OTOGL: variants seen among roughly 807,000 people sequenced by gnomAD.
The protein encoded by OTOGL is otogelin-like protein.
OTOGL carries 285 observed loss-of-function variants against 318.5 expected under a neutral mutation model. That is an observed-to-expected ratio of 0.89 (90% CI 0.81 to 0.99). The LOEUF (loss-of-function observed/expected upper bound fraction) is 0.99. OTOGL is among the 50% of genes least tolerant of loss of function. The pLI, the probability that OTOGL is intolerant of heterozygous loss-of-function variation, is 0.00. For synonymous variants in OTOGL, 987 were observed against 936.5 expected (o/e 1.05, Z -0.99); for missense variants, 2,899 against 2,845.6 (o/e 1.02, Z -0.43).
Position 80,308,340 on chromosome 12 carries a change from G to A in OTOGL, c.3334-2271G>A, listed in dbSNP as rs868772373. 7.0e-3 allele frequency among the ~76,000 whole-genome samples: 1,055 copies of A among 150,500 alleles called. 7 individuals are homozygous for A. The highest frequency in any genetic ancestry group is 0.018 in the Middle Eastern group (5 of 278). Reference sequence around the variant, plus strand: ...TCCTCACTTCTCAGACGGGGCGTCCGGGCAGAGACGCTCCTCACATCCCGG... The same window carrying A: ...TCCTCACTTCTCAGACGGGGCGTCCAGGCAGAGACGCTCCTCACATCCCGG... On this transcript the variant is annotated intron_variant, in intron 29 of 58. Coordinates refer to ENST00000547103, the MANE Select transcript of OTOGL (RefSeq NM_001378609.3).
chr12:80,259,343 T>C (rs557180913), intron 18 of OTOGL, among the ~76,000 whole-genome samples: 1 of 151,608 alleles, frequency 6.6e-6, no homozygotes, highest in South Asian at 2.1e-4. Context: ...ATTTCTTTTT[T>C]AAAACATTTT....
At chr12:80,213,963 G>A (rs1382150434) in intron 4 of OTOGL, among the ~76,000 whole-genome samples, 1 of 152,190 alleles carries the variant, frequency 6.6e-6, no homozygotes, top group Non-Finnish European at 1.5e-5. Flanking sequence ...TGGCAATGAG[G>A]TGAGCAAGAA....
chr12:80,319,613 T>C (rs1408569682), intron 33 of OTOGL, among the ~76,000 whole-genome samples: 1 of 152,184 alleles, frequency 6.6e-6, no homozygotes, highest in East Asian at 1.9e-4. Context: ...TTTTACAACA[T>C]GATAAATGCC....
In OTOGL at chr12:80,252,110, C is replaced by T. The variant is rs750445715; in HGVS notation, c.1194C>T (p.Asp398=). The change falls in exon 13 of 59, where the codon GAC becomes GAT. Residue 398 remains aspartate, a synonymous_variant. Coordinates refer to ENST00000547103, the MANE Select transcript of OTOGL (RefSeq NM_001378609.3). ...DKCDDSFVHR[D]CISCCPPTCT... ...GTGATGATAGCTTTGTCCATCGGGA[C>T]TGTATCAGTTGTTGTCCACCAACCT... 1.5e-5 allele frequency: 24 copies of T among 1,558,838 alleles called. No homozygotes were observed. In the Middle Eastern group the frequency reaches 5.0e-4, roughly 32 times the overall value.
chr12:80,352,456 A>ATAT lies in OTOGL; in HGVS notation c.5407+22_5407+24dup, dbSNP rs386377120. 3 of 1,524,798 alleles carry ATAT rather than the reference A, an allele frequency of 2.0e-6. No homozygotes were observed. The East Asian group carries it at 7.0e-5, about 35-fold the overall frequency. The allele number at this position is 1,524,798 out of a possible 1,614,324, so 94.5% of individuals were successfully genotyped here. A position where few individuals can be genotyped will look rare whatever the true frequency, so the allele number is the denominator to read the frequency against. ...ACTGCTGTGAGTAACTGTTAACTGA[A>ATAT]TATTTTTCCATCATAAATAAATTTC... On this transcript the variant is annotated intron_variant, in intron 45 of 58. Transcript: ENST00000547103.
intron 32 of OTOGL, among the ~76,000 whole-genome samples, chr12:80,314,814 T>G (rs1886868909): frequency 6.6e-6 from 1 of 152,182 alleles, no homozygotes. Flanking sequence ...TCAGGCCAAT[T>G]AGCATATCCA....
chr12:80,181,248 A>G (rs190071199), intron 1 of OTOGL, among the ~76,000 whole-genome samples: 7 of 151,984 alleles, frequency 4.6e-5, no homozygotes, highest in South Asian at 2.1e-4. Context: ...TCAATTTCCA[A>G]TTGGGTCCAA....
At chr12:80,286,874 C>T (rs549285012) in intron 26 of OTOGL, among the ~76,000 whole-genome samples, 234 of 152,234 alleles carry the variant, frequency 1.5e-3, no homozygotes, top group African/African-American at 5.1e-3. Flanking sequence ...TTTTTCGTGT[C>T]TCTATCTCCC....
chr12:80,233,190 T>G lies in OTOGL; in HGVS notation c.817+93T>G, dbSNP rs1451105. ...GTACCCAGAAGACTTGTCATAGCTT[T>G]GGGAAAATTTGTGGCTGTCACTTGC... is the stretch of plus-strand genomic sequence containing the variant. On this transcript the variant is annotated intron_variant, in intron 9 of 58. Transcript: ENST00000547103. 1 allele frequency: 1,193,898 copies of G among 1,194,820 alleles called. 596,491 individuals are homozygous for G. Among genetic ancestry groups the G allele is most frequent in the East Asian group, 1 (38,552 of 38,552 alleles). The allele number at this position is 1,194,820 out of a possible 1,614,324, so 74.0% of individuals were successfully genotyped here. A position where few individuals can be genotyped will look rare whatever the true frequency, so the allele number is the denominator to read the frequency against.
At chr12:80,270,183 T>G in intron 23 of OTOGL, 29 bp downstream of exon 23, 1 of 1,558,748 alleles carries the variant, frequency 6.4e-7, no homozygotes, top group East Asian at 2.3e-5. Context: ...TTTTCCTGAA[T>G]GAGGGTTCAG....
chr12:80,249,187 G>A (rs1016944004), intron 11 of OTOGL, among the ~76,000 whole-genome samples: 3 of 148,044 alleles, frequency 2.0e-5, no homozygotes, highest in African/African-American at 7.7e-5. Flanking sequence ...TCTCCATCCA[G>A]CTTTGTTCCG....
rs1452724246 is a variant in OTOGL, at chr12:80,125,603, A to G, written c.-20+25998A>G. ...TTTTTCTATTGTTTGGAATAGTTTC[A>G]GAAGGAATGGTACCAGCTCCTCCTT... On this transcript the variant is annotated intron_variant, in intron 1 of 58. Transcript: ENST00000547103. Among the ~76,000 whole-genome samples the G allele has an allele frequency of 2.6e-5, 4 of 152,324 alleles. No individual in the cohort carries two copies. The East Asian group carries it at 7.7e-4, about 29-fold the overall frequency.
In OTOGL at chr12:80,305,619, C is replaced by T; in HGVS notation, c.3257C>T (p.Ser1086Leu). 1 of 1,579,314 alleles carries T rather than the reference C, an allele frequency of 6.3e-7. No homozygotes were observed. Among genetic ancestry groups the T allele is most frequent in the South Asian group, 1.2e-5 (1 of 86,192 alleles). Reference protein sequence around the residue: ...GLCGNFDKCTSNDMTTSNNLE... With the variant: ...GLCGNFDKCTLNDMTTSNNLE... ...TGTGGAAACTTTGACAAATGCACTT[C>T]AAATGATATGACCACATCTAATAAC... Residue 1086 changes from serine to leucine, a missense_variant, in exon 29 of 59, where the codon TCA becomes TTA. Physicochemically the swap from Ser to Leu is moderately radical, Grantham distance 145. Coordinates refer to ENST00000547103, the MANE Select transcript of OTOGL (RefSeq NM_001378609.3).
At chr12:80,356,557 A>G (rs373264995) in intron 48 of OTOGL, 37 bp downstream of exon 48, 3 of 1,453,484 alleles carry the variant, frequency 2.1e-6, no homozygotes, top group South Asian at 1.2e-5. Context: ...AGTGAGGTTC[A>G]TTGTTCATTC....
chr12:80,106,902 A>T (rs1565862445), intron 1 of OTOGL, among the ~76,000 whole-genome samples: 1 of 149,790 alleles, frequency 6.7e-6, no homozygotes, highest in African/African-American at 2.5e-5. Context: ...TTTTTGAAGC[A>T]TTTTTTTTTA....
intron 27 of OTOGL, 132 bp downstream of exon 27, chr12:80,297,093 G>A (rs1453188121): frequency 2.5e-6 from 2 of 785,490 alleles, no homozygotes; most frequent in Non-Finnish European, 1.8e-6. Flanking sequence ...TTCATTTTGC[G>A]TGGCTTCAGT....
rs151201133 is a variant in OTOGL at position 80,117,273 on chromosome 12, A to T, written c.-20+17668A>T. Among the ~76,000 whole-genome samples the T allele has an allele frequency of 3.0e-4, 45 of 152,194 alleles. No homozygotes were observed. In the East Asian group the frequency reaches 6.9e-3, roughly 23 times the overall value. The stretch of plus-strand genomic sequence containing the variant: ...CTCTGGGTGACTTAAAAAAATATAT[A>T]TATATAAAATGGAACTCATCGTGTT... On this transcript the variant is annotated intron_variant, in intron 1 of 58. Coordinates refer to ENST00000547103, the MANE Select transcript of OTOGL (RefSeq NM_001378609.3).
chr12:80,256,482 G>T, intron 17 of OTOGL, 22 bp downstream of exon 17: 1 of 1,520,442 alleles, frequency 6.6e-7, no homozygotes, highest in Non-Finnish European at 8.8e-7. Context: ...TGCTAATGGT[G>T]TACTTTCTTT....
chr12:80,220,212 T>G (rs1878173262), intron 6 of OTOGL, among the ~76,000 whole-genome samples: 1 of 152,078 alleles, frequency 6.6e-6, no homozygotes. Flanking sequence ...CAGGCTGGAG[T>G]GCAATGGCAC....
Sources: gnomAD v4.1 joint callset for allele counts (sites outside exome capture counted in the v4.1 genomes callset) on GRCh38, gnomAD v4.1.1 for gene constraint, MANE v1.5 for transcripts, NCBI Gene and HGNC (gene_info 2026-07-23, HGNC 2026-07-21) for gene names.